The following EHBP1 variants were observed in gnomAD, a reference collection of about 807,000 sequenced individuals.
EHBP1 encodes EH domain-binding protein 1.
In EHBP1, 55 loss-of-function variants were observed where a neutral mutation model predicts 144.0. The observed-to-expected ratio is 0.38, with a 90% CI of 0.31 to 0.48. EHBP1 has a LOEUF of 0.48. Among genes scored for constraint, EHBP1 ranks in the 20% least tolerant of loss-of-function variants. EHBP1 has a pLI of 0.98. For missense variants in EHBP1, 1,200 were observed against 1,364.2 expected, an observed-to-expected ratio of 0.88 and a Z score of 1.90; for synonymous variants, 469 against 472.7, an observed-to-expected ratio of 0.99 and a Z score of 0.10.
At chr2:62,797,290 C>G (rs2043608128) in intron 5 of EHBP1, among the ~76,000 whole-genome samples, 1 of 152,188 alleles carries the variant, frequency 6.6e-6, no homozygotes, top group Non-Finnish European at 1.5e-5. Flanking sequence ...CAACAGCATA[C>G]TGGATGCCAC....
At chr2:62,764,549 G>A (rs948317930) in intron 4 of EHBP1, among the ~76,000 whole-genome samples, 188 bp downstream of exon 4, 13 of 151,984 alleles carry the variant, frequency 8.6e-5, no homozygotes, top group Non-Finnish European at 1.8e-4. Context: ...TAAAGTCGGG[G>A]ATCTTCTTGA....
intron 10 of EHBP1, among the ~76,000 whole-genome samples, chr2:62,892,443 A>G (rs1325841168): frequency 6.6e-6 from 1 of 152,138 alleles, no homozygotes; most frequent in Non-Finnish European, 1.5e-5. Context: ...TCAAAAAACA[A>G]TTTATTCTTT....
chr2:62,940,116 A>G, intron 10 of EHBP1: 3 of 422,792 alleles, frequency 7.1e-6, no homozygotes, highest in South Asian at 5.4e-5. Flanking sequence ...GACTTTGAGA[A>G]TCACTACAAG....
intron 10 of EHBP1, among the ~76,000 whole-genome samples, chr2:62,935,729 A>G (rs2056339675): frequency 6.6e-6 from 1 of 152,150 alleles, no homozygotes; most frequent in South Asian, 2.1e-4. Flanking sequence ...ATTGTTGAAT[A>G]AAAGTGATGA....
At chr2:62,984,025 T>G (rs1173081297) in intron 15 of EHBP1, among the ~76,000 whole-genome samples, 1 of 152,224 alleles carries the variant, frequency 6.6e-6, no homozygotes, top group East Asian at 1.9e-4. Flanking sequence ...TTTTAGCTTC[T>G]ATTAATAACA....
In EHBP1 at chr2:63,045,342, G is replaced by A; in HGVS notation, c.3393-68G>A. On this transcript the variant is annotated intron_variant, in intron 22 of 22. Transcript: ENST00000431489. This position sits in a 1 kb window ranked among gnomAD's most constrained non-coding sequence, Gnocchi z 5.7. Reference sequence around the variant, plus strand: ...GATCCAAATACTGGGCGACGGGGGAGTGCTGCTCTGCCCTCCACGAAGAAA... The same window carrying A: ...GATCCAAATACTGGGCGACGGGGGAATGCTGCTCTGCCCTCCACGAAGAAA... 1.3e-6 allele frequency: 2 copies of A among 1,495,700 alleles called. No homozygotes were observed. Among genetic ancestry groups the A allele is most frequent in the Non-Finnish European group, 1.9e-6 (2 of 1,076,592 alleles). The allele number at this position is 1,495,700 out of a possible 1,614,324, so 92.7% of individuals were successfully genotyped here. A position where few individuals can be genotyped will look rare whatever the true frequency, so the allele number is the denominator to read the frequency against.
chr2:62,813,562 G>C (rs1369015083), intron 5 of EHBP1, among the ~76,000 whole-genome samples: 1 of 152,190 alleles, frequency 6.6e-6, no homozygotes, highest in Non-Finnish European at 1.5e-5. Flanking sequence ...TGCAACTCCA[G>C]CCTGGGAAAG....
intron 5 of EHBP1, among the ~76,000 whole-genome samples, chr2:62,809,626 A>G (rs951517870): frequency 2.6e-5 from 4 of 152,140 alleles, no homozygotes; most frequent in African/African-American, 9.7e-5. Context: ...ATAGTACCCA[A>G]TAGGTAGTTT....
chr2:62,975,887 TAC>T (rs57375651), intron 14 of EHBP1, among the ~76,000 whole-genome samples: 34,824 of 123,214 alleles, frequency 0.28, 4,725 homozygotes, highest in East Asian at 0.4. Flanking sequence ...TTACTGTATG[TAC>T]ACACACACAC....
chr2:62,942,328 T>G (rs1402837089), intron 10 of EHBP1, among the ~76,000 whole-genome samples: 1 of 152,222 alleles, frequency 6.6e-6, no homozygotes, highest in Non-Finnish European at 1.5e-5. Flanking sequence ...CGAAATACAT[T>G]ATTTTTAACC....
intron 10 of EHBP1, among the ~76,000 whole-genome samples, chr2:62,881,302 T>C (rs181589219): frequency 1.3e-5 from 2 of 151,892 alleles, no homozygotes; most frequent in East Asian, 3.9e-4. Flanking sequence ...ACTGTGTTTT[T>C]TACTTGGGTG....
intron 8 of EHBP1, among the ~76,000 whole-genome samples, chr2:62,863,840 GTTTTTTTTTT>G (rs70962797): frequency 2.4e-5 from 2 of 82,734 alleles, no homozygotes; most frequent in East Asian, 7.6e-4. Flanking sequence ...TTTCTGTGTT[GTTTTTTTTTT>G]TTTTTTTTTT....
At chr2:62,866,705 G>C (rs2050070012) in intron 9 of EHBP1, among the ~76,000 whole-genome samples, 1 of 152,046 alleles carries the variant, frequency 6.6e-6, no homozygotes, top group Non-Finnish European at 1.5e-5. Context: ...AAGAGAGAAA[G>C]AAGAAAATAA....
At chr2:62,883,274 T>C (rs1198690746) in intron 10 of EHBP1, among the ~76,000 whole-genome samples, 1 of 152,194 alleles carries the variant, frequency 6.6e-6, no homozygotes, top group African/African-American at 2.4e-5. Context: ...ACTTATATGG[T>C]GATTAAGTTT....
intron 10 of EHBP1, among the ~76,000 whole-genome samples, chr2:62,891,138 T>C (rs1464108676): frequency 2.0e-5 from 3 of 150,624 alleles, no homozygotes; most frequent in Admixed American, 1.3e-4. Flanking sequence ...GATCACGCCA[T>C]TGCACTCCAG....
intron 5 of EHBP1, chr2:62,772,151 G>A (rs2041712240): frequency 7.1e-6 from 1 of 140,050 alleles, no homozygotes. Flanking sequence ...AAGAAAAAGA[G>A]AGAAAGAGAG....
At chr2:62,778,856 T>G (rs2042228330) in intron 5 of EHBP1, among the ~76,000 whole-genome samples, 1 of 139,574 alleles carries the variant, frequency 7.2e-6, no homozygotes, top group Non-Finnish European at 1.6e-5. Flanking sequence ...ATGCTGCTTC[T>G]CTCCTTTAGT....
intron 3 of EHBP1, among the ~76,000 whole-genome samples, chr2:62,750,253 T>G (rs1181766574): frequency 1.3e-5 from 2 of 152,232 alleles, no homozygotes; most frequent in Non-Finnish European, 2.9e-5. Flanking sequence ...CCTTTCCCCA[T>G]TTCTTGTTTT....
At position 62,920,874 on chromosome 2, in the gene EHBP1, G is replaced by A. The variant is rs143496160; in HGVS notation, c.1186-21844G>A. On this transcript the variant is annotated intron_variant, in intron 10 of 22. Transcript: ENST00000431489. Reference sequence around the variant, plus strand: ...AGTAGAGTTGGGTTTTCACCATGTTGGCCAGGCTGGTCTCGAATTCCTGAC... The same window carrying A: ...AGTAGAGTTGGGTTTTCACCATGTTAGCCAGGCTGGTCTCGAATTCCTGAC... Among the ~76,000 whole-genome samples the A allele has an allele frequency of 3.9e-5, 6 of 151,998 alleles. No individual in the cohort carries two copies. In the East Asian group the frequency reaches 1.2e-3, roughly 30 times the overall value.
Sources: allele counts gnomAD v4.1 joint callset (sites outside exome capture counted in the v4.1 genomes callset), GRCh38; gene constraint gnomAD v4.1.1; non-coding constraint Gnocchi (gnomAD v3.1); transcripts MANE v1.5; gene names NCBI Gene and HGNC (gene_info 2026-07-23, HGNC 2026-07-21).